KCNMB2: variants seen among roughly 807,000 people sequenced by gnomAD.
The protein encoded by KCNMB2 is calcium-activated potassium channel subunit beta-2.
In KCNMB2, 9 loss-of-function variants were observed where a neutral mutation model predicts 24.5. The ratio of observed to expected loss-of-function variants is 0.37; its 90% CI spans 0.22 to 0.64. KCNMB2 has a LOEUF of 0.64. Ranked by LOEUF, KCNMB2 falls within the 30% of genes least tolerant of loss-of-function variation. The pLI is 0.63. For synonymous variants in KCNMB2, 109 were observed against 104.4 expected, an observed-to-expected ratio of 1.04 and a Z score of -0.27; for missense variants, 226 against 284.3, an observed-to-expected ratio of 0.79 and a Z score of 1.47.
At chr3:178,746,837 A>T (rs2108383774) in intron 1 of KCNMB2, 1 of 152,954 alleles carries the variant, frequency 6.5e-6, no homozygotes, top group South Asian at 2.1e-4. Context: ...CAAGTTCCTC[A>T]TCTCCATCTG....
intron 3 of KCNMB2, among the ~76,000 whole-genome samples, chr3:178,827,386 C>G (rs759158737): frequency 2.0e-5 from 3 of 152,090 alleles, no homozygotes; most frequent in African/African-American, 7.2e-5. Context: ...ATAGAATGAG[C>G]CTGGGCCTTA....
At chr3:178,756,697 T>G (rs6765974) in intron 1 of KCNMB2, among the ~76,000 whole-genome samples, 1 of 152,222 alleles carries the variant, frequency 6.6e-6, no homozygotes, top group Non-Finnish European at 1.5e-5. Context: ...TATCAGGCAC[T>G]ACTGATGCTA....
At chr3:178,723,011 A>G (rs1001516824) in intron 1 of KCNMB2, among the ~76,000 whole-genome samples, 1 of 147,420 alleles carries the variant, frequency 6.8e-6, no homozygotes, top group Admixed American at 6.7e-5. Flanking sequence ...GTATCTTTGT[A>G]AAAAAAAATC....
At chr3:178,775,410 G>GA (rs1712540646) in intron 1 of KCNMB2, among the ~76,000 whole-genome samples, 1 of 152,012 alleles carries the variant, frequency 6.6e-6, no homozygotes, top group Non-Finnish European at 1.5e-5. Flanking sequence ...CAAAGAAAAG[G>GA]AGATTAACTT....
chr3:178,637,089 T>G (rs568147066), intron 1 of KCNMB2, among the ~76,000 whole-genome samples: 1 of 152,350 alleles, frequency 6.6e-6, no homozygotes, highest in Admixed American at 6.5e-5. Flanking sequence ...CATATTTTGT[T>G]TATCCAATCT....
At chr3:178,629,543 T>C (rs374872182) in intron 1 of KCNMB2, among the ~76,000 whole-genome samples, 6 of 152,238 alleles carry the variant, frequency 3.9e-5, no homozygotes, top group African/African-American at 1.2e-4. Context: ...GAAAACAACA[T>C]AAACAGAATC....
At chr3:178,813,174 T>C (rs1032468972) in intron 2 of KCNMB2, among the ~76,000 whole-genome samples, 7 of 152,210 alleles carry the variant, frequency 4.6e-5, no homozygotes, top group Non-Finnish European at 1.0e-4. Flanking sequence ...GTGTACATCA[T>C]TTATTAGATT....
chr3:178,702,309 C>A (rs940639776), intron 1 of KCNMB2, among the ~76,000 whole-genome samples: 1 of 147,848 alleles, frequency 6.8e-6, no homozygotes, highest in Non-Finnish European at 1.5e-5. Flanking sequence ...GGAGGGATAG[C>A]GTTAGGAGAT....
intron 1 of KCNMB2, among the ~76,000 whole-genome samples, chr3:178,555,679 G>A (rs917230441): frequency 3.3e-5 from 5 of 152,156 alleles, no homozygotes; most frequent in Admixed American, 6.5e-5. Flanking sequence ...AGAAAGAATG[G>A]GGAGGTATTT....
intron 1 of KCNMB2, among the ~76,000 whole-genome samples, chr3:178,621,929 T>C (rs1718938087): frequency 1.3e-5 from 2 of 152,192 alleles, no homozygotes; most frequent in Admixed American, 6.5e-5. Flanking sequence ...GCATAGAATC[T>C]AGAGACAGAC....
intron 1 of KCNMB2, among the ~76,000 whole-genome samples, chr3:178,645,714 G>A (rs1719896595): frequency 6.6e-6 from 1 of 152,130 alleles, no homozygotes; most frequent in African/African-American, 2.4e-5. Flanking sequence ...CTGGGGGCCT[G>A]AGAAAGCCCT....
At chr3:178,630,188 C>A (rs1244861597) in intron 1 of KCNMB2, among the ~76,000 whole-genome samples, 1 of 152,144 alleles carries the variant, frequency 6.6e-6, no homozygotes, top group Non-Finnish European at 1.5e-5. Context: ...CTGTTTACAC[C>A]AAGACCATGA....
At chr3:178,577,106 C>T (rs1013264670) in intron 1 of KCNMB2, among the ~76,000 whole-genome samples, 1 of 152,148 alleles carries the variant, frequency 6.6e-6, no homozygotes, top group Non-Finnish European at 1.5e-5. Context: ...AGGCACCTCA[C>T]ACTGGAGAGC....
At chr3:178,614,289 A>G (rs6803633) in intron 1 of KCNMB2, among the ~76,000 whole-genome samples, 17,301 of 97,588 alleles carry the variant, frequency 0.18, 2,276 homozygotes, top group East Asian at 0.29. Context: ...ATATATATAT[A>G]TATATATGTA....
intron 3 of KCNMB2, among the ~76,000 whole-genome samples, chr3:178,826,831 C>A (rs6803203): frequency 0.64 from 97,886 of 151,774 alleles, 33,443 homozygotes; most frequent in African/African-American, 0.87. Context: ...CTCTGTTTCT[C>A]TGATGGCCTT....
intron 1 of KCNMB2, among the ~76,000 whole-genome samples, chr3:178,685,321 A>G (rs771638464): frequency 6.6e-6 from 1 of 152,244 alleles, no homozygotes; most frequent in East Asian, 1.9e-4. Context: ...ATAACCATCA[A>G]TAATAATAAT....
rs1274470512 is a variant in KCNMB2, at chr3:178,759,468, GATATAT to G, written c.-67-47860_-67-47855del. Among the ~76,000 whole-genome samples, 177 of 21,710 alleles carry G rather than the reference GATATAT, an allele frequency of 8.2e-3. 13 individuals are homozygous for G. Among genetic ancestry groups the G allele is most frequent in the African/African-American group, 0.037 (105 of 2,850 alleles). The allele number at this position is 21,710 out of a possible 152,430, so 14.2% of individuals were successfully genotyped here. A position where few individuals can be genotyped will look rare whatever the true frequency, so the allele number is the denominator to read the frequency against. ...ATATATATATATATATCTCCAAGAGGATATATATATATATATATATCTCCAAGAGGA... is the reference window on the plus strand; with the variant it reads ...ATATATATATATATATCTCCAAGAGGATATATATATATATCTCCAAGAGGA... On this transcript the variant is annotated intron_variant, in intron 1 of 4. Transcript: ENST00000452583.
At chr3:178,757,492 A>G (rs1470819601) in intron 1 of KCNMB2, among the ~76,000 whole-genome samples, 4 of 64,470 alleles carry the variant, frequency 6.2e-5, no homozygotes, top group African/African-American at 3.4e-4. Flanking sequence ...ATGTATATAT[A>G]TCCAAGAGGA....
chr3:178,598,211 TAA>T (rs1268412011), intron 1 of KCNMB2, among the ~76,000 whole-genome samples: 1 of 152,078 alleles, frequency 6.6e-6, no homozygotes, highest in Non-Finnish European at 1.5e-5. Context: ...GTTCCGTATA[TAA>T]AAGTGTTTGG....
Sources: gnomAD v4.1 joint callset for allele counts (sites outside exome capture counted in the v4.1 genomes callset) on GRCh38, gnomAD v4.1.1 for gene constraint, MANE v1.5 for transcripts, NCBI Gene and HGNC (gene_info 2026-07-23, HGNC 2026-07-21) for gene names.